The following ATRNL1 variants were observed in gnomAD, a reference collection of about 807,000 sequenced individuals.
The protein encoded by ATRNL1 is attractin-like protein 1.
Under a neutral mutation model 182.7 loss-of-function variants are expected in ATRNL1, and 95 were observed. The ratio of observed to expected loss-of-function variants is 0.52; its 90% CI spans 0.44 to 0.62. The LOEUF (loss-of-function observed/expected upper bound fraction) is 0.62, where lower values mean the gene tolerates loss of function less well. Ranked by LOEUF, ATRNL1 falls within the 20% of genes least tolerant of loss-of-function variation. The pLI is 0.00. For missense variants in ATRNL1, 1,471 were observed against 1,679.5 expected (o/e 0.88, Z 2.17); for synonymous variants, 576 against 568.3 (o/e 1.01, Z -0.19).
chr10:115,340,404 G>A (rs1855685843), intron 19 of ATRNL1, among the ~76,000 whole-genome samples: 1 of 150,812 alleles, frequency 6.6e-6, no homozygotes, highest in Admixed American at 6.6e-5. Context: ...GCCTCCCAAA[G>A]TGCTGGGATT....
At chr10:115,817,801 T>G (rs1437578191) in intron 27 of ATRNL1, among the ~76,000 whole-genome samples, 3 of 151,322 alleles carry the variant, frequency 2.0e-5, no homozygotes, top group Admixed American at 6.6e-5. Context: ...AATTGAGAGA[T>G]ATTTTAATTG....
intron 9 of ATRNL1, among the ~76,000 whole-genome samples, chr10:115,226,539 C>T (rs1849704341): frequency 6.7e-6 from 1 of 150,210 alleles, no homozygotes; most frequent in Non-Finnish European, 1.5e-5. Context: ...TATCAGACTA[C>T]CAATGTCATT....
At chr10:115,668,036 T>C (rs1302101130) in intron 26 of ATRNL1, among the ~76,000 whole-genome samples, 1 of 152,090 alleles carries the variant, frequency 6.6e-6, no homozygotes, top group East Asian at 1.9e-4. Context: ...TGAGACTTGA[T>C]GGGAGAAGCA....
intron 28 of ATRNL1, among the ~76,000 whole-genome samples, chr10:115,931,322 G>A (rs953503097): frequency 1.4e-4 from 22 of 152,210 alleles, no homozygotes; most frequent in Non-Finnish European, 3.2e-4. Flanking sequence ...TGATAGTACC[G>A]TACTTCTGCT....
At chr10:115,354,944 A>T (rs1314990031) in intron 19 of ATRNL1, among the ~76,000 whole-genome samples, 1 of 151,888 alleles carries the variant, frequency 6.6e-6, no homozygotes, top group Non-Finnish European at 1.5e-5. Flanking sequence ...TGCTTGATCA[A>T]TTTTGTTTTT....
chr10:115,517,859 C>T (rs782310975), intron 24 of ATRNL1, among the ~76,000 whole-genome samples: 12 of 151,666 alleles, frequency 7.9e-5, no homozygotes, highest in Non-Finnish European at 1.2e-4. Flanking sequence ...TGGACAAAGA[C>T]CTGGGAAGAA....
At chr10:115,446,321 C>T (rs1554966683) in intron 21 of ATRNL1, among the ~76,000 whole-genome samples, 1 of 151,888 alleles carries the variant, frequency 6.6e-6, no homozygotes, top group East Asian at 1.9e-4. Flanking sequence ...ATTCTGTTTT[C>T]TGATTCTCGT....
intron 9 of ATRNL1, among the ~76,000 whole-genome samples, chr10:115,218,521 T>C (rs930779150): frequency 2.0e-5 from 3 of 152,316 alleles, no homozygotes; most frequent in Admixed American, 6.5e-5. Flanking sequence ...CCTTCCCAGT[T>C]TGGGGTCTTT....
At chr10:115,366,065 G>T (rs1167348321) in intron 19 of ATRNL1, among the ~76,000 whole-genome samples, 8 of 151,604 alleles carry the variant, frequency 5.3e-5, no homozygotes, top group African/African-American at 1.9e-4. Context: ...TCAATTCCTG[G>T]GTATCCTTGT....
intron 20 of ATRNL1, among the ~76,000 whole-genome samples, chr10:115,396,827 T>A (rs1554955734): frequency 6.6e-6 from 1 of 151,928 alleles, no homozygotes; most frequent in African/African-American, 2.4e-5. Flanking sequence ...TTTAATTCAT[T>A]GAAATAGTGA....
intron 5 of ATRNL1, among the ~76,000 whole-genome samples, chr10:115,140,676 C>T (rs1845721882): frequency 6.6e-6 from 1 of 152,116 alleles, no homozygotes; most frequent in East Asian, 1.9e-4. Flanking sequence ...TTTTAAATGT[C>T]TTCAGGACAT....
chr10:115,147,351 T>G (rs1554879627), intron 5 of ATRNL1, among the ~76,000 whole-genome samples: 1 of 152,182 alleles, frequency 6.6e-6, no homozygotes, highest in African/African-American at 2.4e-5. Flanking sequence ...GAGTTCCTTG[T>G]ATATCCTGGA....
chr10:115,347,835 T>C (rs1372151464), intron 19 of ATRNL1, among the ~76,000 whole-genome samples: 7 of 152,162 alleles, frequency 4.6e-5, no homozygotes, highest in Admixed American at 2.6e-4. Flanking sequence ...TGTATATGTA[T>C]ACTATATATA....
intron 27 of ATRNL1, among the ~76,000 whole-genome samples, chr10:115,804,653 A>C (rs527441391): frequency 7.1e-4 from 108 of 152,288 alleles, no homozygotes; most frequent in African/African-American, 2.4e-3. Flanking sequence ...GATAGCCTGA[A>C]CTGACGGAGA....
At chr10:115,473,504 T>G (rs1848399487) in intron 24 of ATRNL1, among the ~76,000 whole-genome samples, 1 of 151,288 alleles carries the variant, frequency 6.6e-6, no homozygotes, top group South Asian at 2.1e-4. Flanking sequence ...TTGTGTCCTT[T>G]TACCAATGTC....
At chr10:115,800,436 G>T (rs1949765172) in intron 27 of ATRNL1, among the ~76,000 whole-genome samples, 1 of 152,140 alleles carries the variant, frequency 6.6e-6, no homozygotes, top group Non-Finnish European at 1.5e-5. Context: ...AGTAGGGAAA[G>T]AAACAGAAAG....
intron 26 of ATRNL1, among the ~76,000 whole-genome samples, chr10:115,650,574 C>T (rs1565249665): frequency 2.0e-5 from 3 of 151,948 alleles, no homozygotes; most frequent in African/African-American, 7.2e-5. Context: ...CACACAGATA[C>T]GTTTGAATAG....
intron 19 of ATRNL1, among the ~76,000 whole-genome samples, chr10:115,380,012 A>G (rs1269108455): frequency 1.3e-5 from 2 of 151,962 alleles, no homozygotes; most frequent in Non-Finnish European, 2.9e-5. Flanking sequence ...TTGTATTTTT[A>G]GTAGAGACGG....
intron 24 of ATRNL1, among the ~76,000 whole-genome samples, chr10:115,513,816 A>G (rs1027503533): frequency 2.0e-5 from 3 of 151,948 alleles, no homozygotes; most frequent in African/African-American, 4.8e-5. Context: ...TATTTGTACA[A>G]CAAATTGTAG....
Sources: gnomAD v4.1 joint callset for allele counts (sites outside exome capture counted in the v4.1 genomes callset) on GRCh38, gnomAD v4.1.1 for gene constraint, MANE v1.5 for transcripts, NCBI Gene and HGNC (gene_info 2026-07-23, HGNC 2026-07-21) for gene names.